RECK: variants seen among roughly 807,000 people sequenced by gnomAD.
The protein encoded by RECK is reversion-inducing cysteine-rich protein with Kazal motifs.
Under a neutral mutation model 115.1 loss-of-function variants are expected in RECK, and 69 were observed. The observed-to-expected ratio is 0.60, with a 90% CI of 0.49 to 0.73. The LOEUF (loss-of-function observed/expected upper bound fraction) is 0.73. Ranked by LOEUF, RECK falls within the 30% of genes least tolerant of loss-of-function variation. The probability of loss-of-function intolerance (pLI) is 0.00; values close to 1 mark genes in which losing one functional copy is unlikely to be tolerated. For missense variants in RECK, 1,047 were observed against 1,203.7 expected (o/e 0.87, Z 1.93); for synonymous variants, 414 against 419.7 (o/e 0.99, Z 0.17).
Position 36,102,187 on chromosome 9 carries a change from T to G in RECK, c.1392T>G (p.Pro464=). 2 of 1,613,732 alleles carry G rather than the reference T, an allele frequency of 1.2e-6. No individual in the cohort carries two copies. The highest frequency in any genetic ancestry group is 1.7e-6 in the Non-Finnish European group (2 of 1,179,658). The change falls in exon 12 of 21, where the codon CCT becomes CCG. Residue 464 remains proline, a synonymous_variant. Transcript: ENST00000377966. ...TAESICELLS[P]TDDLKNCIPL... ...AAAGTATTTGTGAGCTTCTGTCACC[T>G]ACAGATGATCTGAAGAATTGTATAC...
rs1282803310 is a variant in RECK at position 36,117,738 on chromosome 9, T to C, written c.2253+561T>C. ...TGGCTCACGCCTGTAATCCCAGCACTTTGGGAGGCAGAAGAGGTGGATCAC... is the reference window on the plus strand; with the variant it reads ...TGGCTCACGCCTGTAATCCCAGCACCTTGGGAGGCAGAAGAGGTGGATCAC... On this transcript the variant is annotated intron_variant, in intron 17 of 20. Coordinates refer to ENST00000377966, the MANE Select transcript of RECK (RefSeq NM_021111.3). Among the ~76,000 whole-genome samples the C allele has an allele frequency of 1.4e-4, 22 of 152,154 alleles. 1 individual carries two copies. Among genetic ancestry groups the C allele is most frequent in the Admixed American group, 1.4e-3 (22 of 15,278 alleles).
At chr9:36,066,685 T>G in intron 6 of RECK, 1 of 599,330 alleles carries the variant, frequency 1.7e-6, no homozygotes, top group African/African-American at 2.0e-5. Flanking sequence ...ATAACCAGTT[T>G]TAGTTTCTCT....
intron 6 of RECK, chr9:36,072,602 C>T (rs1213402499): frequency 3.9e-5 from 6 of 152,234 alleles, no homozygotes; most frequent in Non-Finnish European, 8.8e-5. Context: ...TCAAGAATTG[C>T]CAGGATATAG....
intron 6 of RECK, among the ~76,000 whole-genome samples, chr9:36,077,653 A>G (rs1822502889): frequency 6.6e-6 from 1 of 152,226 alleles, no homozygotes; most frequent in Non-Finnish European, 1.5e-5. Flanking sequence ...ATGTGAAAAT[A>G]GAAAAGATTA....
chr9:36,079,497 A>T (rs894930058), intron 6 of RECK, among the ~76,000 whole-genome samples: 9 of 152,152 alleles, frequency 5.9e-5, no homozygotes, highest in Non-Finnish European at 1.0e-4. Context: ...TTAAATTGTT[A>T]AATCAAGTGT....
chr9:36,069,085 TA>T lies in RECK; in HGVS notation c.405+3469del, dbSNP rs968532903. Among the ~76,000 whole-genome samples the T allele has an allele frequency of 7.9e-5, 12 of 151,360 alleles. No individual in the cohort carries two copies. The East Asian group carries it at 1.7e-3, about 22-fold the overall frequency. ...CTAAGGAAAAATAAGCAGTTCATAA[TA>T]AAAAAAAGTCACAGAACTCACCAGA... On this transcript the variant is annotated intron_variant, in intron 6 of 20. Coordinates refer to ENST00000377966, the MANE Select transcript of RECK (RefSeq NM_021111.3).
chr9:36,087,285 T>A (rs1823003277), intron 8 of RECK, among the ~76,000 whole-genome samples: 1 of 152,086 alleles, frequency 6.6e-6, no homozygotes, highest in African/African-American at 2.4e-5. Flanking sequence ...ATGTGGCACA[T>A]CTACACCATG....
intron 11 of RECK, among the ~76,000 whole-genome samples, chr9:36,101,132 T>C (rs1823552506): frequency 6.6e-6 from 1 of 152,090 alleles, no homozygotes; most frequent in Non-Finnish European, 1.5e-5. Flanking sequence ...TTTGTATTCT[T>C]AGTAGAGATG....
At chr9:36,038,364 T>C (rs7024649) in intron 1 of RECK, among the ~76,000 whole-genome samples, 8,924 of 152,178 alleles carry the variant, frequency 0.059, 411 homozygotes, top group South Asian at 0.18. Flanking sequence ...CTGTAAACTA[T>C]CCCAAAGAAT....
rs754361980 is a variant in RECK at position 36,121,643 on chromosome 9, T to C, written c.2649T>C (p.Ile883=). ...VFGYFSIESE[I]VILIIPVDHY... is the part of the protein sequence containing the mutation. Reference sequence around the variant, plus strand: ...GATACTTCAGCATTGAATCAGAAATTGTGATCCTGATCATTCCCGTCGATC... The same window carrying C: ...GATACTTCAGCATTGAATCAGAAATCGTGATCCTGATCATTCCCGTCGATC... Residue 883 remains isoleucine (I), a synonymous_variant, in exon 20 of 21, where the codon ATT becomes ATC. Transcript: ENST00000377966. 6 of 1,614,048 alleles carry C rather than the reference T, an allele frequency of 3.7e-6. No individual in the cohort carries two copies. The highest frequency in any genetic ancestry group is 4.2e-6 in the Non-Finnish European group (5 of 1,180,032).
intron 6 of RECK, among the ~76,000 whole-genome samples, chr9:36,079,963 A>G (rs1277152658): frequency 1.3e-5 from 2 of 152,120 alleles, no homozygotes; most frequent in Non-Finnish European, 2.9e-5. Flanking sequence ...GACTTTTTCT[A>G]TTACCTGGGG....
chr9:36,063,430 C>A (rs1381136437), intron 4 of RECK, among the ~76,000 whole-genome samples: 1 of 152,200 alleles, frequency 6.6e-6, no homozygotes, highest in Non-Finnish European at 1.5e-5. Context: ...AAATTAAAAT[C>A]TTTGCCTCTG....
At chr9:36,050,503 A>G (rs1269636789) in intron 1 of RECK, among the ~76,000 whole-genome samples, 2 of 152,208 alleles carry the variant, frequency 1.3e-5, no homozygotes, top group Admixed American at 1.3e-4. Context: ...TCTTATCAAG[A>G]CTACTTCAAT....
At chr9:36,118,713 C>T (rs1202849771) in intron 17 of RECK, 44 bp from the exon 18 acceptor site, 1 of 1,576,332 alleles carries the variant, frequency 6.3e-7, no homozygotes, top group Non-Finnish European at 8.7e-7. Context: ...GGGAAAGGTA[C>T]AACATAGACA....
intron 15 of RECK, 128 bp from the exon 16 acceptor site, chr9:36,112,177 G>T: frequency 3.2e-6 from 2 of 631,488 alleles, no homozygotes; most frequent in Non-Finnish European, 5.0e-6. Flanking sequence ...GGTTTTTCCT[G>T]ACTTAATTTA....
At chr9:36,080,372 A>G (rs1487649638) in intron 6 of RECK, among the ~76,000 whole-genome samples, 2 of 152,202 alleles carry the variant, frequency 1.3e-5, no homozygotes, top group African/African-American at 2.4e-5. Context: ...TTGGTTTGCT[A>G]TAACTGGTCA....
At chr9:36,043,057 G>T (rs558767435) in intron 1 of RECK, among the ~76,000 whole-genome samples, 7 of 109,294 alleles carry the variant, frequency 6.4e-5, no homozygotes, top group African/African-American at 2.1e-4. Flanking sequence ...ACGGAGTCTC[G>T]CTCTGTTGCC....
intron 18 of RECK, among the ~76,000 whole-genome samples, chr9:36,119,514 CT>C (rs1418440420): frequency 6.6e-6 from 1 of 152,162 alleles, no homozygotes; most frequent in Non-Finnish European, 1.5e-5. Context: ...CAATCTCACA[CT>C]CTTAGTCAAA....
At chr9:36,073,073 A>G (rs987249467) in intron 6 of RECK, among the ~76,000 whole-genome samples, 1 of 151,364 alleles carries the variant, frequency 6.6e-6, no homozygotes, top group African/African-American at 2.4e-5. Context: ...CCTGAACACT[A>G]TTGGATACAT....
Sources: gnomAD v4.1 joint callset for allele counts (sites outside exome capture counted in the v4.1 genomes callset) on GRCh38, gnomAD v4.1.1 for gene constraint, MANE v1.5 for transcripts, NCBI Gene and HGNC (gene_info 2026-07-23, HGNC 2026-07-21) for gene names.